ZNF503: variants seen among roughly 807,000 people sequenced by gnomAD.
The protein encoded by ZNF503 is NocA-like zinc finger 2.
Under a neutral mutation model 34.4 loss-of-function variants are expected in ZNF503, and 15 were observed. The ratio of observed to expected loss-of-function variants is 0.44; its 90% CI spans 0.29 to 0.67. ZNF503 has a LOEUF of 0.67. Ranked by LOEUF, ZNF503 falls within the 30% of genes least tolerant of loss-of-function variation. The pLI, the probability that ZNF503 is intolerant of heterozygous loss-of-function variation, is 0.13. For synonymous variants in ZNF503, 580 were observed against 456.8 expected (o/e 1.27, Z -3.44); for missense variants, 1,007 against 926.8 (o/e 1.09, Z -1.12).
chr10:75,365,226 G>T, the ZNF503 span, among the ~76,000 whole-genome samples: 1 of 152,202 alleles, frequency 6.6e-6, no homozygotes, highest in Non-Finnish European at 1.5e-5. Flanking sequence ...TCAGCTCACT[G>T]CAACCTCTGC....
chr10:75,382,723 T>C, the ZNF503 span: 7 of 353,010 alleles, frequency 2.0e-5, no homozygotes, highest in Middle Eastern at 8.0e-4. Flanking sequence ...TGTCAAAATA[T>C]GCTGCTGCAA....
rs999168160 is a variant in ZNF503, at chr10:75,400,949, C to T, written c.315+156G>A. ...CATTCCACTTCCTCCCCCTTTTCCG[C>T]CCTAGTTTTGAGGTACGGAAGCAGT... is the stretch of plus-strand genomic sequence containing the variant. On this transcript the variant is annotated intron_variant, in intron 1 of 1. Coordinates refer to ENST00000372524, the MANE Select transcript of ZNF503 (RefSeq NM_032772.6). 4.5e-6 allele frequency: 5 copies of T among 1,117,292 alleles called. No homozygotes were observed. In the African/African-American group the frequency reaches 7.8e-5, roughly 18 times the overall value. 69.2% of individuals were successfully genotyped at this position (1,117,292 alleles called of 1,614,324 possible).
the ZNF503 span, among the ~76,000 whole-genome samples, chr10:75,345,508 G>A: frequency 6.6e-6 from 1 of 151,692 alleles, no homozygotes; most frequent in East Asian, 1.9e-4. Context: ...TGTGGTGGGT[G>A]CCTGTAATCC....
the ZNF503 span, among the ~76,000 whole-genome samples, chr10:75,295,866 T>A: frequency 6.6e-6 from 1 of 152,188 alleles, no homozygotes; most frequent in African/African-American, 2.4e-5. The surrounding 1 kb of genome is among the most constrained non-coding windows in gnomAD (Gnocchi z 4.0). Flanking sequence ...TGCTAAATAT[T>A]TTCACATGGA....
the ZNF503 span, among the ~76,000 whole-genome samples, chr10:75,366,420 C>T: frequency 1.5e-3 from 236 of 152,318 alleles, no homozygotes; most frequent in African/African-American, 5.3e-3. Flanking sequence ...TCCCACGTCC[C>T]GAGCAATGGT....
At position 75,401,447 on chromosome 10, in the gene ZNF503, G is replaced by T. The variant is rs541089755; in HGVS notation, c.-28C>A. On this transcript the variant is annotated 5_prime_UTR_variant, in exon 1 of 2. Coordinates refer to ENST00000372524, the MANE Select transcript of ZNF503 (RefSeq NM_032772.6). ...CCCACCCGCGCGCATGGGAGCAGCG[G>T]GGGGGAGGGCTCCGGGAGGCGCGGG... 9.9e-5 allele frequency: 150 copies of T among 1,522,418 alleles called. 1 individual carries two copies. The highest frequency in any genetic ancestry group is 4.1e-4 in the South Asian group (34 of 82,454). The allele number at this position is 1,522,418 out of a possible 1,614,324, so 94.3% of individuals were successfully genotyped here.
the ZNF503 span, among the ~76,000 whole-genome samples, chr10:75,337,734 G>T: frequency 6.6e-6 from 1 of 152,200 alleles, no homozygotes; most frequent in East Asian, 1.9e-4. Context: ...GACTGATGAA[G>T]CAGAAAGCCA....
At position 75,399,135 on chromosome 10, in the gene ZNF503, C is replaced by A. The variant is rs766393096; in HGVS notation, c.1555G>T (p.Val519Leu). The A allele has an allele frequency of 6.2e-7, 1 of 1,613,590 alleles. No homozygotes were observed. The change falls in exon 2 of 2, where the codon GTG (valine) becomes TTG (leucine). Residue 519 changes from valine to leucine, a missense_variant. Val to Leu is a conservative substitution (Grantham distance 32). Transcript: ENST00000372524. ...TTGTCGCACGGCCCGTTGGCCGACA[C>A]CCAGTTGCAGATGTGGGGGAGTGGG... ...NDPLPHICNW[V>L]SANGPCDKRF...
chr10:75,399,335 G>A lies in ZNF503; in HGVS notation c.1355C>T (p.Ala452Val). Reference sequence around the variant, plus strand: ...CGCAGCCGCAGCAGCCGGATCATGTGCGCAAGAAGCGCTGGCGGCCGCCGC... The same window carrying A: ...CGCAGCCGCAGCAGCCGGATCATGTACGCAAGAAGCGCTGGCGGCCGCCGC... ...AGAAAASASC[A>V]HDPAAAAAAL... The change falls in exon 2 of 2, where the codon GCA becomes GTA. Residue 452 changes from alanine to valine, a missense_variant. Transcript: ENST00000372524. The A allele has an allele frequency of 1.2e-6, 2 of 1,605,130 alleles. No homozygotes were observed. The highest frequency in any genetic ancestry group is 1.7e-4 in the Middle Eastern group (1 of 6,014).
chr10:75,393,846 G>A (rs967808438), downstream of ZNF503, among the ~76,000 whole-genome samples: 5 of 151,722 alleles, frequency 3.3e-5, no homozygotes, highest in African/African-American at 9.7e-5. Context: ...GTGACAGAGC[G>A]AGACTCTGTC....
Position 75,400,155 on chromosome 10 carries a change from A to C in ZNF503, c.535T>G (p.Ser179Ala). 1 of 1,544,112 alleles carries C rather than the reference A, an allele frequency of 6.5e-7. No individual in the cohort carries two copies. The highest frequency in any genetic ancestry group is 8.7e-7 in the Non-Finnish European group (1 of 1,145,312). The change falls in exon 2 of 2, where the codon TCC (serine) becomes GCC (alanine). Residue 179 changes from serine to alanine, a missense_variant. Coordinates refer to ENST00000372524, the MANE Select transcript of ZNF503 (RefSeq NM_032772.6). ...VEDKSSFKPY[S>A]KPGSDKKEPG... ...TCCTTCTTATCCGAGCCGGGTTTGG[A>C]GTACGGCTTGAAACTCGACTTGTCC...
rs776238781 is a variant in ZNF503 at position 75,399,952 on chromosome 10, C to T, written c.738G>A (p.Gly246=). 5 of 1,606,426 alleles carry T rather than the reference C, an allele frequency of 3.1e-6. No individual in the cohort carries two copies. The Admixed American group carries it at 5.0e-5, about 16-fold the overall frequency. Residue 246 remains glycine, a synonymous_variant, in exon 2 of 2, where the codon GGG becomes GGA. Coordinates refer to ENST00000372524, the MANE Select transcript of ZNF503 (RefSeq NM_032772.6). Reference sequence around the variant, plus strand: ...TGTCGTCCTTGCCCTCCGGGGCACCCCCGGCCGAGGACAGCATACCTCCCG... The same window carrying T: ...TGTCGTCCTTGCCCTCCGGGGCACCTCCGGCCGAGGACAGCATACCTCCCG... The part of the protein sequence containing the change: ...CSPGGMLSSA[G]GAPEGKDDKK...
the ZNF503 span, among the ~76,000 whole-genome samples, chr10:75,305,471 CTA>C: frequency 6.6e-5 from 10 of 152,136 alleles, no homozygotes; most frequent in Admixed American, 5.9e-4. Context: ...TGAGGATTAA[CTA>C]TTTATCTTTT....
chr10:75,333,245 AC>A, the ZNF503 span, among the ~76,000 whole-genome samples: 1 of 52,560 alleles, frequency 1.9e-5, no homozygotes, highest in African/African-American at 8.5e-5. Flanking sequence ...GACCCCCCCC[AC>A]CTCCCTCCCG....
At chr10:75,343,019 C>G in the ZNF503 span, among the ~76,000 whole-genome samples, 1 of 152,160 alleles carries the variant, frequency 6.6e-6, no homozygotes, top group Non-Finnish European at 1.5e-5. Context: ...AAAGAAGTGA[C>G]GCTTGAGCTG....
the ZNF503 span, among the ~76,000 whole-genome samples, chr10:75,386,554 C>T: frequency 6.6e-6 from 1 of 152,200 alleles, no homozygotes; most frequent in African/African-American, 2.4e-5. Context: ...CCTTGCTTTG[C>T]TTGTCCTGCA....
the ZNF503 span, among the ~76,000 whole-genome samples, chr10:75,328,499 T>C: frequency 6.6e-6 from 1 of 152,208 alleles, no homozygotes; most frequent in Non-Finnish European, 1.5e-5. Context: ...TTGGTTGCTA[T>C]AGCTTGTAGG....
the ZNF503 span, among the ~76,000 whole-genome samples, chr10:75,342,503 A>G: frequency 3.3e-5 from 5 of 152,128 alleles, no homozygotes; most frequent in African/African-American, 1.2e-4. Flanking sequence ...AGGGGTGGGG[A>G]TTGTTATTTC....
At chr10:75,282,319 G>A in the ZNF503 span, among the ~76,000 whole-genome samples, 2 of 152,202 alleles carry the variant, frequency 1.3e-5, no homozygotes, top group Admixed American at 1.3e-4. Flanking sequence ...CCTTGGCTGG[G>A]GGAATTCCTT....
Sources: allele counts gnomAD v4.1 joint callset (sites outside exome capture counted in the v4.1 genomes callset), GRCh38; gene constraint gnomAD v4.1.1; non-coding constraint Gnocchi (gnomAD v3.1); transcripts MANE v1.5; gene names NCBI Gene and HGNC (gene_info 2026-07-23, HGNC 2026-07-21).